Variants in B3GALNT2 observed in about 807,000 individuals in gnomAD.
B3GALNT2 encodes UDP-GalNAc:beta-1,3-N-acetylgalactosaminyltransferase 2.
A neutral mutation model predicts 61.1 loss-of-function variants in B3GALNT2; 53 were observed. The observed-to-expected ratio is 0.87, with a 90% CI of 0.70 to 1.09. The LOEUF is 1.09. Among genes scored for constraint, B3GALNT2 ranks in the 50% least tolerant of loss-of-function variants. The pLI, the probability that B3GALNT2 is intolerant of heterozygous loss-of-function variation, is 0.00. For synonymous variants in B3GALNT2, 223 were observed against 237.4 expected (o/e 0.94, Z 0.56); for missense variants, 544 against 623.0 (o/e 0.87, Z 1.35).
Position 235,449,043 on chromosome 1 carries a change from T to TAGAA in B3GALNT2, c.*1159_*1162dup, listed in dbSNP as rs535642426. ...TTCATGATAAGATTTAAATATTAAA[T>TAGAA]AGAAAGAAACTAGCTAGCCTAATAA... On this transcript the variant is annotated 3_prime_UTR_variant, in exon 12 of 12. Transcript: ENST00000366600. The TAGAA allele has an allele frequency of 5.7e-6, 2 of 350,144 alleles. No homozygotes were observed. Among genetic ancestry groups the TAGAA allele is most frequent in the Non-Finnish European group, 1.1e-5 (2 of 184,272 alleles). 21.7% of individuals were successfully genotyped at this position (350,144 alleles called of 1,614,324 possible).
At chr1:235,490,450 C>T (rs967715485) in intron 2 of B3GALNT2, among the ~76,000 whole-genome samples, 15 of 152,234 alleles carry the variant, frequency 9.9e-5, no homozygotes, top group African/African-American at 3.4e-4. Flanking sequence ...AGGCTGGTCT[C>T]GAACTCTTGG....
intron 5 of B3GALNT2, among the ~76,000 whole-genome samples, chr1:235,475,438 G>C (rs61836206): frequency 0.74 from 112,421 of 151,586 alleles, 42,875 homozygotes; most frequent in African/African-American, 0.93. Flanking sequence ...GCTATACTGG[G>C]GACATGTGAC....
chr1:235,458,552 A>C, intron 8 of B3GALNT2, 51 bp downstream of exon 8: 1 of 1,533,182 alleles, frequency 6.5e-7, no homozygotes, highest in Non-Finnish European at 8.7e-7. Flanking sequence ...TCAAAAAAAA[A>C]AAAACTAACA....
rs7512292 is a variant in B3GALNT2 at position 235,489,632 on chromosome 1, A to C, written c.261-364T>G. On this transcript the variant is annotated intron_variant, in intron 2 of 11. Coordinates refer to ENST00000366600, the MANE Select transcript of B3GALNT2 (RefSeq NM_152490.5). Reference sequence around the variant, plus strand: ...TTCCTTTGCTGCCTTCTTCTATTTCAGAAAGTGTTCCTTTTGCTCAAGATT... The same window carrying C: ...TTCCTTTGCTGCCTTCTTCTATTTCCGAAAGTGTTCCTTTTGCTCAAGATT... 5.4e-3 allele frequency among the ~76,000 whole-genome samples: 816 copies of C among 152,310 alleles called. 6 individuals carry two copies. Among genetic ancestry groups the C allele is most frequent in the African/African-American group, 0.019 (775 of 41,556 alleles).
the B3GALNT2 span, chr1:235,441,356 G>A: frequency 8.4e-6 from 2 of 237,272 alleles, no homozygotes; most frequent in Non-Finnish European, 1.7e-5. Flanking sequence ...GTGGAAACGT[G>A]AGAAGTGTCC....
intron 3 of B3GALNT2, among the ~76,000 whole-genome samples, chr1:235,488,138 T>C (rs1173177822): frequency 6.6e-6 from 1 of 152,168 alleles, no homozygotes; most frequent in African/African-American, 2.4e-5. Context: ...CTATTTTTTC[T>C]TTTACAGAAA....
the B3GALNT2 span, among the ~76,000 whole-genome samples, chr1:235,442,168 C>G: frequency 1.3e-5 from 2 of 151,910 alleles, no homozygotes; most frequent in Non-Finnish European, 2.9e-5. Context: ...ACAACCATGC[C>G]CGGCTAATTT....
intron 5 of B3GALNT2, chr1:235,479,248 T>C (rs537652900): frequency 2.0e-5 from 3 of 152,324 alleles, no homozygotes; most frequent in African/African-American, 7.2e-5. Flanking sequence ...TTGTCTAGCC[T>C]CCACACCTTA....
chr1:235,480,279 T>A, intron 4 of B3GALNT2, 130 bp from the exon 5 acceptor site: 1 of 1,390,458 alleles, frequency 7.2e-7, no homozygotes, highest in Non-Finnish European at 9.5e-7. Context: ...ACTAACATGG[T>A]TCTACTGTGG....
At chr1:235,461,630 C>A (rs1683441658) in intron 7 of B3GALNT2, among the ~76,000 whole-genome samples, 1 of 146,290 alleles carries the variant, frequency 6.8e-6, no homozygotes, top group Non-Finnish European at 1.5e-5. Flanking sequence ...GATTCTCCTA[C>A]CTGAGCCTCT....
At chr1:235,472,124 T>C (rs1182561737) in intron 5 of B3GALNT2, among the ~76,000 whole-genome samples, 1 of 152,220 alleles carries the variant, frequency 6.6e-6, no homozygotes, top group African/African-American at 2.4e-5. Context: ...AAGCTTTTAA[T>C]AAAGTAATTA....
Position 235,484,610 on chromosome 1 carries a change from G to A in B3GALNT2, c.362-95C>T, listed in dbSNP as rs1684715621. On this transcript the variant is annotated intron_variant, in intron 3 of 11. Coordinates refer to ENST00000366600, the MANE Select transcript of B3GALNT2 (RefSeq NM_152490.5). ...AAGTGGGCTTAATGCCAAAACCTAG[G>A]TAATCATTTGCTATATAATTCACAA... The A allele has an allele frequency of 3.5e-6, 5 of 1,413,258 alleles. No individual in the cohort carries two copies. The South Asian group carries it at 7.3e-5, about 21-fold the overall frequency. 87.5% of individuals were successfully genotyped at this position (1,413,258 alleles called of 1,614,324 possible).
chr1:235,470,928 T>C lies in B3GALNT2; in HGVS notation c.684A>G (p.Gln228=). The change falls in exon 6 of 12, where the codon CAA becomes CAG. Residue 228 remains glutamine, a synonymous_variant. Transcript: ENST00000366600. The part of the protein sequence containing the change: ...SFEGTIVWES[Q]DLHGLVSRNL... ...TTCTTGACACAAGGCCGTGGAGGTC[T>C]TGGCTCTCCCACACGATTGTACCTT... is the stretch of plus-strand genomic sequence containing the variant. 1 of 1,614,130 alleles carries C rather than the reference T, an allele frequency of 6.2e-7. No homozygotes were observed. The highest frequency in any genetic ancestry group is 8.5e-7 in the Non-Finnish European group (1 of 1,179,986).
In B3GALNT2 at chr1:235,504,207, C is replaced by G; in HGVS notation, c.46G>C (p.Ala16Pro). 1 of 1,436,028 alleles carries G rather than the reference C, an allele frequency of 7.0e-7. No individual in the cohort carries two copies. The highest frequency in any genetic ancestry group is 9.1e-7 in the Non-Finnish European group (1 of 1,099,264). 89.0% of individuals were successfully genotyped at this position (1,436,028 alleles called of 1,614,324 possible). Residue 16 changes from alanine (A) to proline (P), a missense_variant, in exon 1 of 12, where the codon GCG (alanine) becomes CCG (proline). Transcript: ENST00000366600. ...CGCAGCCGCAGCCAGAGGTGCAGCGCGGCCCCGAGCACACACGGGCACAGC... is the reference window on the plus strand; with the variant it reads ...CGCAGCCGCAGCCAGAGGTGCAGCGGGGCCCCGAGCACACACGGGCACAGC... ...VLLCPCVLGA[A>P]LHLWLRLRSP... is the part of the protein sequence containing the mutation.
chr1:235,454,142 A>T lies in B3GALNT2; in HGVS notation c.1311+14T>A, dbSNP rs1204914728. ...GCAAGAGCCACCACGCCAAGCTAAGAAATTCTTAATTACCTGATAGGTCTT... is the reference window on the plus strand; with the variant it reads ...GCAAGAGCCACCACGCCAAGCTAAGTAATTCTTAATTACCTGATAGGTCTT... On this transcript the variant is annotated intron_variant, in intron 10 of 11. Coordinates refer to ENST00000366600, the MANE Select transcript of B3GALNT2 (RefSeq NM_152490.5). 6.3e-7 allele frequency: 1 copy of T among 1,586,340 alleles called. No individual in the cohort carries two copies. Among genetic ancestry groups the T allele is most frequent in the South Asian group, 1.1e-5 (1 of 87,738 alleles).
At chr1:235,478,509 C>G (rs1684401594) in intron 5 of B3GALNT2, among the ~76,000 whole-genome samples, 1 of 152,182 alleles carries the variant, frequency 6.6e-6, no homozygotes, top group African/African-American at 2.4e-5. Flanking sequence ...GCTAAACTCC[C>G]CTCCAGGAAG....
At position 235,465,651 on chromosome 1, in the gene B3GALNT2, T is replaced by TAA. The variant is rs367543075; in HGVS notation, c.824_825dup (p.Ile276LeufsTer26). ...GCAAACTTACCCTGAATAGTATATA[T>TAA]AAAACCACCTGCAACTCCCTCCACA... is the stretch of plus-strand genomic sequence containing the variant. On this transcript the variant is annotated frameshift_variant, in exon 7 of 12. Transcript: ENST00000366600. LOFTEE classifies it high-confidence loss of function. 2.8e-4 allele frequency: 446 copies of TAA among 1,613,952 alleles called. No homozygotes were observed. Among genetic ancestry groups the TAA allele is most frequent in the Non-Finnish European group, 3.6e-4 (422 of 1,180,000 alleles).
At chr1:235,494,894 C>T (rs1685245672) in intron 1 of B3GALNT2, 66 bp from the exon 2 acceptor site, 1 of 1,354,956 alleles carries the variant, frequency 7.4e-7, no homozygotes, top group Admixed American at 2.5e-5. Context: ...CAATATGTAT[C>T]ATAAGTTTAT....
chr1:235,492,394 T>C lies in B3GALNT2; in HGVS notation c.260+2287A>G, dbSNP rs1020987845. Among the ~76,000 whole-genome samples, 3 of 152,228 alleles carry C rather than the reference T, an allele frequency of 2.0e-5. No individual in the cohort carries two copies. In the South Asian group the frequency reaches 6.2e-4, roughly 32 times the overall value. ...TGCCTAATATCTATTTTTATACAGA[T>C]AGCTGATCATTCTCATAACACAAAT... On this transcript the variant is annotated intron_variant, in intron 2 of 11. Coordinates refer to ENST00000366600, the MANE Select transcript of B3GALNT2 (RefSeq NM_152490.5).
Sources: gnomAD v4.1 joint callset for allele counts (sites outside exome capture counted in the v4.1 genomes callset) on GRCh38, gnomAD v4.1.1 for gene constraint, MANE v1.5 for transcripts, NCBI Gene and HGNC (gene_info 2026-07-23, HGNC 2026-07-21) for gene names.